The following MEF2A variants were observed in gnomAD, a reference collection of about 807,000 sequenced individuals.
MEF2A encodes myocyte enhancer factor 2A.
A neutral mutation model predicts 55.8 loss-of-function variants in MEF2A; 28 were observed. That is an observed-to-expected ratio of 0.50 (90% CI 0.37 to 0.69). The LOEUF is 0.69. MEF2A is among the 30% of genes least tolerant of loss of function. The probability of loss-of-function intolerance (pLI) is 0.00; values close to 1 mark genes in which losing one functional copy is unlikely to be tolerated. For missense variants in MEF2A, 528 were observed against 626.2 expected, an observed-to-expected ratio of 0.84 and a Z score of 1.67; for synonymous variants, 239 against 227.1, an observed-to-expected ratio of 1.05 and a Z score of -0.47.
chr15:99,602,505 A>G (rs948053786), intron 2 of MEF2A, among the ~76,000 whole-genome samples: 7 of 152,138 alleles, frequency 4.6e-5, no homozygotes, highest in Non-Finnish European at 1.0e-4. Context: ...CTGAGATGTT[A>G]TAGGGAAGCG....
At chr15:99,678,560 G>C (rs1016514248) in intron 7 of MEF2A, 5 of 655,022 alleles carry the variant, frequency 7.6e-6, no homozygotes, top group Non-Finnish European at 7.6e-6. Flanking sequence ...TACGTAATTT[G>C]TTTATAGGCG....
At chr15:99,687,354 C>T (rs1449591093) in intron 7 of MEF2A, among the ~76,000 whole-genome samples, 1 of 152,066 alleles carries the variant, frequency 6.6e-6, no homozygotes, top group East Asian at 1.9e-4. Flanking sequence ...TGTATTAATA[C>T]AGGGGTGTGT....
chr15:99,644,034 A>T (rs2045516625), intron 3 of MEF2A, among the ~76,000 whole-genome samples: 2 of 152,338 alleles, frequency 1.3e-5, no homozygotes, highest in South Asian at 4.1e-4. Flanking sequence ...TGTTAAATGA[A>T]TATTTAAAGA....
intron 9 of MEF2A, among the ~76,000 whole-genome samples, chr15:99,704,740 C>A (rs1049738026): frequency 1.3e-5 from 2 of 152,196 alleles, no homozygotes; most frequent in African/African-American, 4.8e-5. Context: ...TGTATTCTTT[C>A]ACCTAGTGAT....
intron 2 of MEF2A, among the ~76,000 whole-genome samples, chr15:99,601,491 T>TC (rs549676275): frequency 6.5e-4 from 98 of 150,670 alleles, no homozygotes; most frequent in African/African-American, 2.3e-3. Flanking sequence ...TTTGAGTTTT[T>TC]CACCAGGTCT....
chr15:99,644,278 C>T (rs1041163030), intron 3 of MEF2A, among the ~76,000 whole-genome samples: 1 of 152,280 alleles, frequency 6.6e-6, no homozygotes, highest in East Asian at 1.9e-4. Context: ...AACAGATACT[C>T]TGCTTAAATT....
At chr15:99,671,580 C>T in intron 5 of MEF2A, 126 bp downstream of exon 5, 1 of 1,610,960 alleles carries the variant, frequency 6.2e-7, no homozygotes, top group Non-Finnish European at 8.5e-7. Flanking sequence ...TTCATATGTG[C>T]TAACTCCACA....
chr15:99,703,142 A>G (rs1338159786), intron 8 of MEF2A, among the ~76,000 whole-genome samples: 1 of 152,240 alleles, frequency 6.6e-6, no homozygotes, highest in East Asian at 1.9e-4. Flanking sequence ...GGTGTCTTTG[A>G]ATACTGGCCC....
chr15:99,618,735 A>G (rs1043587058), intron 2 of MEF2A, among the ~76,000 whole-genome samples: 15 of 152,210 alleles, frequency 9.9e-5, no homozygotes, highest in Non-Finnish European at 1.8e-4. Context: ...AAAGTTAATG[A>G]AAAATGTTAA....
upstream of MEF2A, chr15:99,565,517 G>C (rs1959165213): frequency 6.6e-6 from 1 of 150,886 alleles, no homozygotes; most frequent in Non-Finnish European, 1.5e-5. Flanking sequence ...GGGCGGCAGG[G>C]CGCGACGCCG....
chr15:99,647,069 C>T (rs560879318), intron 4 of MEF2A, among the ~76,000 whole-genome samples: 6 of 151,918 alleles, frequency 3.9e-5, no homozygotes, highest in African/African-American at 1.4e-4. Context: ...TTAGCTAAAC[C>T]CCTTAATGCA....
intron 3 of MEF2A, 29 bp downstream of exon 3, chr15:99,633,202 G>T (rs1338774178): frequency 3.5e-6 from 5 of 1,443,816 alleles, no homozygotes; most frequent in Non-Finnish European, 2.8e-6. Flanking sequence ...TTATTTAATT[G>T]ATATGAATAT....
chr15:99,646,866 T>C (rs757476396), intron 4 of MEF2A, among the ~76,000 whole-genome samples: 18 of 152,150 alleles, frequency 1.2e-4, no homozygotes, highest in African/African-American at 3.6e-4. Context: ...AAACAGCTTT[T>C]GTTACTTTTT....
intron 4 of MEF2A, among the ~76,000 whole-genome samples, chr15:99,668,866 G>A (rs564867963): frequency 6.6e-6 from 1 of 152,102 alleles, no homozygotes; most frequent in African/African-American, 2.4e-5. Flanking sequence ...ATGGTAGTTG[G>A]GTCCTCAAAA....
Position 99,712,518 on chromosome 15 carries a change from A to G in MEF2A, c.1265A>G (p.Gln422Arg), listed in dbSNP as rs1597354773. The change falls in exon 12 of 12, where the codon CAG (glutamine) becomes CGG (arginine). Residue 422 changes from glutamine (Q) to arginine (R), a missense_variant. By Grantham distance (43) the Gln-to-Arg change is conservative. This residue lies in a region of MEF2A where 450 missense variants were observed against 475.3 expected (regional missense o/e 0.95). Coordinates refer to ENST00000557942, the MANE Select transcript of MEF2A (RefSeq NM_001319206.4). This position sits in a 1 kb window ranked among gnomAD's most constrained non-coding sequence, Gnocchi z 4.1. ...CCATCGGGCTTCCAGCAGCAGCAGC[A>G]GCAGCAGCAGCAGCAGCAGCCGCCG... is the stretch of plus-strand genomic sequence containing the variant. ...MTPSGFQQQQ[Q>R]QQQQQQPPPP... 6.6e-7 allele frequency: 1 copy of G among 1,521,392 alleles called. No individual in the cohort carries two copies. Among genetic ancestry groups the G allele is most frequent in the Middle Eastern group, 1.8e-4 (1 of 5,600 alleles). The allele number at this position is 1,521,392 out of a possible 1,614,324, so 94.2% of individuals were successfully genotyped here. A position where few individuals can be genotyped will look rare whatever the true frequency, so the allele number is the denominator to read the frequency against.
chr15:99,628,746 A>C (rs1011905986), intron 2 of MEF2A, among the ~76,000 whole-genome samples: 1 of 152,188 alleles, frequency 6.6e-6, no homozygotes. Flanking sequence ...GAAATCCCAC[A>C]AAGTATTATT....
intron 4 of MEF2A, among the ~76,000 whole-genome samples, chr15:99,647,290 G>A (rs2046116521): frequency 6.6e-6 from 1 of 152,082 alleles, no homozygotes; most frequent in Admixed American, 6.6e-5. Context: ...ACCCTGTTGT[G>A]TTTAAAATAG....
At chr15:99,603,729 A>G (rs1196992281) in intron 2 of MEF2A, among the ~76,000 whole-genome samples, 1 of 152,104 alleles carries the variant, frequency 6.6e-6, no homozygotes, top group Non-Finnish European at 1.5e-5. Context: ...GTGTGTACTT[A>G]AGAAGAATGT....
At chr15:99,678,769 T>A in intron 7 of MEF2A, 5 of 817,434 alleles carry the variant, frequency 6.1e-6, no homozygotes, top group Non-Finnish European at 5.9e-6. Flanking sequence ...ACTGATTGAT[T>A]TGCTTGTGTG....
Sources: gnomAD v4.1 joint callset for allele counts (sites outside exome capture counted in the v4.1 genomes callset) on GRCh38, gnomAD v4.1.1 for gene constraint, gnomAD v4.1.1 regional missense constraint, Gnocchi (gnomAD v3.1) non-coding constraint, MANE v1.5 for transcripts, NCBI Gene and HGNC (gene_info 2026-07-23, HGNC 2026-07-21) for gene names.